PKP4: variants seen among roughly 807,000 people sequenced by gnomAD.
PKP4 encodes the protein plakophilin 4.
Under a neutral mutation model 145.1 loss-of-function variants are expected in PKP4, and 90 were observed. That is an observed-to-expected ratio of 0.62 (90% confidence interval 0.52 to 0.74). PKP4 has a LOEUF of 0.74. PKP4 is among the 30% of genes least tolerant of loss of function. The pLI, the probability that PKP4 is intolerant of heterozygous loss-of-function variation, is 0.00. For missense variants in PKP4, 1,340 were observed against 1,482.7 expected, an observed-to-expected ratio of 0.90 and a Z score of 1.58; for synonymous variants, 563 against 577.2, an observed-to-expected ratio of 0.98 and a Z score of 0.35.
At chr2:158,530,441 C>T (rs1382034310) in intron 1 of PKP4, among the ~76,000 whole-genome samples, 1 of 150,700 alleles carries the variant, frequency 6.6e-6, no homozygotes, top group African/African-American at 2.4e-5. Context: ...AAATTGAGGT[C>T]ACTGAGGGAA....
intron 1 of PKP4, among the ~76,000 whole-genome samples, chr2:158,500,367 TCA>T (rs1318280725): frequency 6.6e-6 from 1 of 152,218 alleles, no homozygotes. Flanking sequence ...CATTTTTGAC[TCA>T]CAAATACATT....
chr2:158,519,280 C>T (rs78932389), intron 1 of PKP4, among the ~76,000 whole-genome samples: 29,969 of 152,096 alleles, frequency 0.2, 3,804 homozygotes, highest in Middle Eastern at 0.34. Context: ...TTCTTCAAGG[C>T]TTCTGGCTGT....
chr2:158,536,263 A>G (rs1008487650), intron 2 of PKP4, among the ~76,000 whole-genome samples: 20 of 152,256 alleles, frequency 1.3e-4, no homozygotes, highest in Admixed American at 7.8e-4. Flanking sequence ...CAAAAACTGT[A>G]TACATAAACA....
intron 3 of PKP4, among the ~76,000 whole-genome samples, chr2:158,588,615 C>CA (rs2048999592): frequency 6.6e-6 from 1 of 152,044 alleles, no homozygotes; most frequent in African/African-American, 2.4e-5. Context: ...CATTGTAGAA[C>CA]AAAGTACACC....
intron 4 of PKP4, among the ~76,000 whole-genome samples, chr2:158,615,491 G>T (rs992794615): frequency 1.3e-5 from 2 of 151,906 alleles, no homozygotes; most frequent in Non-Finnish European, 2.9e-5. Flanking sequence ...AATTTTTATG[G>T]TAGCTGTGAC....
chr2:158,602,713 G>A (rs890483581), intron 3 of PKP4, among the ~76,000 whole-genome samples: 1 of 152,034 alleles, frequency 6.6e-6, no homozygotes, highest in East Asian at 1.9e-4. Context: ...CTGTTTAACA[G>A]CCTTTTTGGT....
At chr2:158,589,494 C>T (rs2049072849) in intron 3 of PKP4, among the ~76,000 whole-genome samples, 3 of 152,294 alleles carry the variant, frequency 2.0e-5, no homozygotes, top group East Asian at 1.9e-4. Context: ...TCGTCTCCAG[C>T]CCCACCTCCA....
intron 2 of PKP4, among the ~76,000 whole-genome samples, chr2:158,574,771 G>C (rs2047703059): frequency 6.6e-6 from 1 of 152,196 alleles, no homozygotes; most frequent in South Asian, 2.1e-4. Flanking sequence ...AGGTTGAATG[G>C]TTTTGATAAA....
chr2:158,608,808 CTTTTTTTTT>C (rs66933766), intron 4 of PKP4, among the ~76,000 whole-genome samples: 7 of 86,182 alleles, frequency 8.1e-5, no homozygotes, highest in Non-Finnish European at 8.4e-5. Flanking sequence ...TCTTTTCTTT[CTTTTTTTTT>C]TTTTTTTTTT....
intron 7 of PKP4, 49 bp downstream of exon 7, chr2:158,625,476 T>G (rs2052683583): frequency 7.0e-7 from 1 of 1,431,274 alleles, no homozygotes; most frequent in South Asian, 1.4e-5. Flanking sequence ...GGAAATCTTC[T>G]GTGTAACTTA....
chr2:158,584,861 T>C (rs1388496957), intron 3 of PKP4, among the ~76,000 whole-genome samples: 1 of 152,220 alleles, frequency 6.6e-6, no homozygotes, highest in East Asian at 1.9e-4. Context: ...ATCTATTCTT[T>C]GTTTTTTATT....
In PKP4 at chr2:158,671,002, C is replaced by G. The variant is rs189703550; in HGVS notation, c.2924+1087C>G. 2.6e-5 allele frequency among the ~76,000 whole-genome samples: 4 copies of G among 152,270 alleles called. No individual in the cohort carries two copies. In the East Asian group the frequency reaches 7.7e-4, roughly 29 times the overall value. ...CACAGTAGCATGGCAGCCCTCTCCCCCAAACCCCCTGCTTTGCTCTCTCCA... is the reference window on the plus strand; with the variant it reads ...CACAGTAGCATGGCAGCCCTCTCCCGCAAACCCCCTGCTTTGCTCTCTCCA... On this transcript the variant is annotated intron_variant, in intron 17 of 21. Coordinates refer to ENST00000389759, the MANE Select transcript of PKP4 (RefSeq NM_003628.6).
At chr2:158,661,732 C>G (rs1296420746) in intron 13 of PKP4, 2 of 280,514 alleles carry the variant, frequency 7.1e-6, no homozygotes, top group African/African-American at 4.4e-5. Context: ...CTGCTATTTC[C>G]TCCAATTCTG....
intron 4 of PKP4, 45 bp from the exon 5 acceptor site, chr2:158,620,921 CTGAACCTTTTTTAGCAAGTTTTTA>C (rs1418665081): frequency 7.2e-7 from 1 of 1,385,254 alleles, no homozygotes; most frequent in Non-Finnish European, 1.0e-6. Flanking sequence ...TGACAAACAT[CTGAACCTTTTTTAGCAAGTTTTTA>C]TGTAATGTTA....
chr2:158,461,156 A>G (rs1689704121), intron 1 of PKP4, among the ~76,000 whole-genome samples: 1 of 152,234 alleles, frequency 6.6e-6, no homozygotes, highest in African/African-American at 2.4e-5. Flanking sequence ...CAGAAGTTGC[A>G]TAACATTCAA....
At chr2:158,668,214 C>G (rs1451009270) in intron 16 of PKP4, among the ~76,000 whole-genome samples, 1 of 148,728 alleles carries the variant, frequency 6.7e-6, no homozygotes. Flanking sequence ...TTGAACTGTT[C>G]CATCAGTCTG....
chr2:158,680,374 A>G, intron 21 of PKP4, 55 bp from the exon 22 acceptor site: 5 of 1,334,868 alleles, frequency 3.7e-6, no homozygotes, highest in Non-Finnish European at 5.2e-6. Context: ...TTTTCCTAAC[A>G]CATGTATTTT....
chr2:158,586,799 AT>A (rs1248587983), intron 3 of PKP4, among the ~76,000 whole-genome samples: 1 of 152,218 alleles, frequency 6.6e-6, no homozygotes, highest in East Asian at 1.9e-4. Context: ...TCTCATTGCC[AT>A]TCCAGTCACA....
At chr2:158,653,351 C>T (rs2055583980) in intron 11 of PKP4, among the ~76,000 whole-genome samples, 1 of 152,090 alleles carries the variant, frequency 6.6e-6, no homozygotes, top group South Asian at 2.1e-4. Flanking sequence ...ATCAGTTCGC[C>T]ATTAGAATAG....
Sources: allele counts gnomAD v4.1 joint callset (sites outside exome capture counted in the v4.1 genomes callset), GRCh38; gene constraint gnomAD v4.1.1; transcripts MANE v1.5; gene names NCBI Gene and HGNC (gene_info 2026-07-23, HGNC 2026-07-21).